The following CA10 variants were observed in gnomAD, a reference collection of about 807,000 sequenced individuals.
CA10 encodes carbonic anhydrase 10 (inactive).
CA10 carries 14 observed loss-of-function variants against 44.2 expected under a neutral mutation model. That is an observed-to-expected ratio of 0.32 (90% CI 0.21 to 0.50). The LOEUF (loss-of-function observed/expected upper bound fraction) is 0.50, where lower values mean the gene tolerates loss of function less well. Among genes scored for constraint, CA10 ranks in the 20% least tolerant of loss-of-function variants. The pLI, the probability that CA10 is intolerant of heterozygous loss-of-function variation, is 0.99. For missense variants in CA10, 350 were observed against 409.7 expected, an observed-to-expected ratio of 0.85 and a Z score of 1.26; for synonymous variants, 159 against 141.6, an observed-to-expected ratio of 1.12 and a Z score of -0.87.
At chr17:52,025,102 T>A (rs574857048) in intron 2 of CA10, among the ~76,000 whole-genome samples, 2 of 151,962 alleles carry the variant, frequency 1.3e-5, no homozygotes, top group East Asian at 1.9e-4. Flanking sequence ...TGGAAAAAAA[T>A]GTCTTAAATA....
chr17:51,983,561 A>T (rs1048547236), intron 2 of CA10, among the ~76,000 whole-genome samples: 4 of 151,710 alleles, frequency 2.6e-5, no homozygotes, highest in African/African-American at 4.8e-5. Flanking sequence ...ACAAAAAAAT[A>T]AAAAAGGTGT....
chr17:52,067,689 G>C (rs936259516), intron 2 of CA10, among the ~76,000 whole-genome samples: 1 of 152,250 alleles, frequency 6.6e-6, no homozygotes, highest in African/African-American at 2.4e-5. Flanking sequence ...ACCTTGCAAA[G>C]CCACAGGGGC....
rs1394469625 is a variant in CA10 at position 51,631,043 on chromosome 17, T to C, written c.*541A>G. On this transcript the variant is annotated 3_prime_UTR_variant, in exon 9 of 9. Coordinates refer to ENST00000451037, the MANE Select transcript of CA10 (RefSeq NM_020178.5). ...AGAAATAAGTGTCCTTGGTCAACTTTGTCCTGCTCACCTGCTACCAGCACC... is the reference window on the plus strand; with the variant it reads ...AGAAATAAGTGTCCTTGGTCAACTTCGTCCTGCTCACCTGCTACCAGCACC... 6.8e-6 allele frequency: 1 copy of C among 148,022 alleles called. No individual in the cohort carries two copies. Among genetic ancestry groups the C allele is most frequent in the African/African-American group, 2.7e-5 (1 of 37,558 alleles). 9.2% of individuals were successfully genotyped at this position (148,022 alleles called of 1,614,324 possible). A position where few individuals can be genotyped will look rare whatever the true frequency, so the allele number is the denominator to read the frequency against.
chr17:51,705,383 G>T (rs907273824), intron 4 of CA10, among the ~76,000 whole-genome samples: 1 of 152,122 alleles, frequency 6.6e-6, no homozygotes, highest in African/African-American at 2.4e-5. Flanking sequence ...TAGCAGAGGG[G>T]ATCCTTAGTT....
At chr17:51,887,824 C>A (rs952172596) in intron 3 of CA10, among the ~76,000 whole-genome samples, 5 of 149,844 alleles carry the variant, frequency 3.3e-5, no homozygotes, top group Non-Finnish European at 7.4e-5. Context: ...ACCCCTAAAC[C>A]CCTTCTCTAC....
At chr17:51,957,535 G>A (rs910988516) in intron 2 of CA10, among the ~76,000 whole-genome samples, 3 of 151,976 alleles carry the variant, frequency 2.0e-5, no homozygotes, top group East Asian at 1.9e-4. Flanking sequence ...TCCACATAGA[G>A]GGTGGATGCA....
At chr17:51,856,644 C>T (rs752288382) in intron 3 of CA10, among the ~76,000 whole-genome samples, 11 of 152,192 alleles carry the variant, frequency 7.2e-5, no homozygotes, top group African/African-American at 1.2e-4. Flanking sequence ...GAATATGCCA[C>T]AATTCCCATT....
Position 51,633,584 on chromosome 17 carries a change from A to G in CA10, c.856T>C (p.Phe286Leu). The G allele has an allele frequency of 6.2e-7, 1 of 1,613,990 alleles. No homozygotes were observed. Among genetic ancestry groups the G allele is most frequent in the Non-Finnish European group, 8.5e-7 (1 of 1,179,926 alleles). ...TTGTTGAGTGGCTGGACAGGCCTGA[A>G]GTTGTCACTCATGCTCAGAAAGATC... The part of the protein sequence containing the change: ...SQIFLSMSDN[F>L]RPVQPLNNRC... The change falls in exon 8 of 9, where the codon TTC becomes CTC. Residue 286 changes from phenylalanine to leucine, a missense_variant. Phe to Leu is a conservative substitution (Grantham distance 22). Coordinates refer to ENST00000451037, the MANE Select transcript of CA10 (RefSeq NM_020178.5).
At chr17:52,118,592 T>C (rs1369343974) in intron 1 of CA10, among the ~76,000 whole-genome samples, 2 of 152,134 alleles carry the variant, frequency 1.3e-5, no homozygotes, top group East Asian at 1.9e-4. Flanking sequence ...TTATTTGACA[T>C]GTTGAGGTAC....
chr17:51,742,186 G>A (rs568891862), intron 4 of CA10, among the ~76,000 whole-genome samples: 2 of 152,294 alleles, frequency 1.3e-5, no homozygotes, highest in African/African-American at 2.4e-5. Flanking sequence ...GATGGGGGAA[G>A]GGAGATGGGG....
intron 3 of CA10, among the ~76,000 whole-genome samples, chr17:51,837,391 G>A (rs1908525632): frequency 6.6e-6 from 1 of 152,150 alleles, no homozygotes; most frequent in Non-Finnish European, 1.5e-5. Flanking sequence ...TCTACCTTTT[G>A]GCAAATTAGA....
chr17:51,995,709 C>T (rs149324397), intron 2 of CA10, among the ~76,000 whole-genome samples: 1 of 152,120 alleles, frequency 6.6e-6, no homozygotes, highest in East Asian at 1.9e-4. Flanking sequence ...CTCTGACTAT[C>T]CAGGCCTAAG....
At chr17:51,843,094 A>G (rs1978352758) in intron 3 of CA10, among the ~76,000 whole-genome samples, 1 of 152,234 alleles carries the variant, frequency 6.6e-6, no homozygotes, top group African/African-American at 2.4e-5. Flanking sequence ...GCTAAAGTGA[A>G]GGTTAAAGAA....
chr17:51,789,605 G>T (rs1004439426), intron 3 of CA10, among the ~76,000 whole-genome samples: 2 of 152,074 alleles, frequency 1.3e-5, no homozygotes, highest in East Asian at 3.9e-4. Flanking sequence ...CCTCAGTTTT[G>T]AAGCCTGTTT....
chr17:51,659,320 G>A (rs995077018), intron 4 of CA10, among the ~76,000 whole-genome samples: 5 of 152,026 alleles, frequency 3.3e-5, no homozygotes, highest in Admixed American at 6.6e-5. Context: ...TTACACTAGC[G>A]ACCACCTCTC....
At chr17:51,817,096 C>T (rs945582914) in intron 3 of CA10, among the ~76,000 whole-genome samples, 1 of 152,196 alleles carries the variant, frequency 6.6e-6, no homozygotes, top group Admixed American at 6.5e-5. Flanking sequence ...TCCAAACTTG[C>T]TCTTAGAAAG....
At chr17:52,136,531 A>G (rs912914252) in intron 1 of CA10, among the ~76,000 whole-genome samples, 10 of 152,164 alleles carry the variant, frequency 6.6e-5, no homozygotes, top group Admixed American at 2.0e-4. Flanking sequence ...AAGGAATCCT[A>G]CGCACCCTAA....
chr17:52,129,630 A>G (rs1989189499), intron 1 of CA10, among the ~76,000 whole-genome samples: 1 of 152,210 alleles, frequency 6.6e-6, no homozygotes, highest in African/African-American at 2.4e-5. Flanking sequence ...ACAGCTGAGA[A>G]CGTACATAGT....
At chr17:52,040,452 T>C (rs1366729371) in intron 2 of CA10, among the ~76,000 whole-genome samples, 2 of 152,072 alleles carry the variant, frequency 1.3e-5, no homozygotes, top group East Asian at 1.9e-4. Flanking sequence ...AAATAGAGAA[T>C]CATTAAAGAA....
Sources: gnomAD v4.1 joint callset for allele counts (sites outside exome capture counted in the v4.1 genomes callset) on GRCh38, gnomAD v4.1.1 for gene constraint, MANE v1.5 for transcripts, NCBI Gene and HGNC (gene_info 2026-07-23, HGNC 2026-07-21) for gene names.